The following SNTB1 variants were observed in gnomAD, a reference collection of about 807,000 sequenced individuals.
The protein encoded by SNTB1 is syntrophin beta 1.
In SNTB1, 36 loss-of-function variants were observed where a neutral mutation model predicts 48.9. The observed-to-expected ratio is 0.74, with a 90% CI of 0.56 to 0.97. The LOEUF (loss-of-function observed/expected upper bound fraction) is 0.97. Ranked by LOEUF, SNTB1 falls within the 50% of genes least tolerant of loss-of-function variation. The pLI, the probability that SNTB1 is intolerant of heterozygous loss-of-function variation, is 0.00. For missense variants in SNTB1, 786 were observed against 703.4 expected (o/e 1.12, Z -1.33); for synonymous variants, 299 against 294.6 (o/e 1.01, Z -0.15).
chr8:120,712,798 C>T (rs180911055), intron 1 of SNTB1, among the ~76,000 whole-genome samples: 5 of 152,212 alleles, frequency 3.3e-5, no homozygotes, highest in African/African-American at 1.2e-4. Flanking sequence ...GTTTATTTTC[C>T]ATATGAAGAA....
chr8:120,712,297 C>G (rs930068550), intron 1 of SNTB1, among the ~76,000 whole-genome samples: 2 of 151,632 alleles, frequency 1.3e-5, no homozygotes, highest in African/African-American at 4.8e-5. Flanking sequence ...TGCCTGTAGT[C>G]CCGGCTACTC....
chr8:120,776,362 T>G (rs1819736222), intron 1 of SNTB1: 1 of 152,190 alleles, frequency 6.6e-6, no homozygotes, highest in South Asian at 2.1e-4. Context: ...CTTCCAGATG[T>G]TTTCTTATCC....
chr8:120,655,320 C>T lies in SNTB1; in HGVS notation c.789-22669G>A, dbSNP rs138612384. On this transcript the variant is annotated intron_variant, in intron 2 of 6. Transcript: ENST00000517992. ...AAAATACTAAAATGGGTTGTAACTA[C>T]AAGATGTAAAAGAAAGAGGTAAAAA... Among the ~76,000 whole-genome samples the T allele has an allele frequency of 3.4e-3, 517 of 152,208 alleles. 3 individuals are homozygous for T. Among genetic ancestry groups the T allele is most frequent in the African/African-American group, 0.012 (493 of 41,526 alleles).
At chr8:120,559,941 GA>G (rs11353689) in intron 4 of SNTB1, among the ~76,000 whole-genome samples, 103,005 of 150,030 alleles carry the variant, frequency 0.69, 35,520 homozygotes, top group Admixed American at 0.76. Context: ...ACAAAAAAAA[GA>G]AAAAAAAAAC....
Sources: allele counts gnomAD v4.1 joint callset (sites outside exome capture counted in the v4.1 genomes callset), GRCh38; gene constraint gnomAD v4.1.1; transcripts MANE v1.5; gene names NCBI Gene and HGNC (gene_info 2026-07-23, HGNC 2026-07-21).